The following POFUT3 variants were observed in gnomAD, a reference collection of about 807,000 sequenced individuals.
POFUT3 encodes GDP-fucose protein O-fucosyltransferase 3.
At chr8:33,468,777 G>A in the POFUT3 span, among the ~76,000 whole-genome samples, 7 of 152,190 alleles carry the variant, frequency 4.6e-5, no homozygotes, top group Non-Finnish European at 8.8e-5. Context: ...TGTCCCTAGA[G>A]TGTTGATTGG....
At chr8:33,310,487 A>C in the POFUT3 span, among the ~76,000 whole-genome samples, 1 of 151,970 alleles carries the variant, frequency 6.6e-6, no homozygotes, top group African/African-American at 2.4e-5. Flanking sequence ...AGGCAGGCAA[A>C]TTCCTTGAGG....
chr8:33,313,572 G>A, the POFUT3 span, among the ~76,000 whole-genome samples: 1 of 151,628 alleles, frequency 6.6e-6, no homozygotes, highest in African/African-American at 2.4e-5. Context: ...GGAATAAAAT[G>A]GAACCATCAT....
chr8:33,422,269 G>A, the POFUT3 span, among the ~76,000 whole-genome samples: 1 of 150,946 alleles, frequency 6.6e-6, no homozygotes, highest in Non-Finnish European at 1.5e-5. Flanking sequence ...CAGGCCTGGC[G>A]CGGTGGTTCC....
chr8:33,422,544 T>C, the POFUT3 span, among the ~76,000 whole-genome samples: 1 of 13,642 alleles, frequency 7.3e-5, no homozygotes, highest in African/African-American at 4.3e-4. Context: ...AAACTCTGTC[T>C]CAAAAAAAAA....
the POFUT3 span, among the ~76,000 whole-genome samples, chr8:33,393,795 G>T: frequency 6.6e-6 from 1 of 152,322 alleles, no homozygotes; most frequent in Non-Finnish European, 1.5e-5. Context: ...TACACCCACA[G>T]AAATGTTAGC....
chr8:33,449,089 T>C, the POFUT3 span, among the ~76,000 whole-genome samples: 1 of 152,166 alleles, frequency 6.6e-6, no homozygotes, highest in African/African-American at 2.4e-5. Context: ...GGTCATACAG[T>C]ATAAGACCAA....
chr8:33,429,087 A>G, the POFUT3 span, among the ~76,000 whole-genome samples: 1 of 152,214 alleles, frequency 6.6e-6, no homozygotes, highest in Non-Finnish European at 1.5e-5. Context: ...CTTTACATGA[A>G]TTATACTCAA....
chr8:33,343,871 C>T, the POFUT3 span, among the ~76,000 whole-genome samples: 1 of 152,190 alleles, frequency 6.6e-6, no homozygotes, highest in Non-Finnish European at 1.5e-5. Context: ...TTAAGAAGTA[C>T]ATGTGTTCTC....
chr8:33,383,347 A>T, the POFUT3 span, among the ~76,000 whole-genome samples: 1 of 152,204 alleles, frequency 6.6e-6, no homozygotes, highest in Non-Finnish European at 1.5e-5. Context: ...ACCTGATGGC[A>T]ATAAAAGCCC....
At chr8:33,336,688 A>G in the POFUT3 span, among the ~76,000 whole-genome samples, 2 of 152,192 alleles carry the variant, frequency 1.3e-5, no homozygotes, top group Non-Finnish European at 2.9e-5. Flanking sequence ...GGTCAGCAAA[A>G]AATGGCAGAT....
At chr8:33,347,242 A>G in the POFUT3 span, among the ~76,000 whole-genome samples, 1 of 152,182 alleles carries the variant, frequency 6.6e-6, no homozygotes, top group South Asian at 2.1e-4. Context: ...TGGAAGTGTT[A>G]ATGAAAAAAG....
the POFUT3 span, among the ~76,000 whole-genome samples, chr8:33,470,163 G>A: frequency 2.0e-5 from 3 of 148,130 alleles, no homozygotes; most frequent in Non-Finnish European, 4.4e-5. Context: ...ACTTTGAGAC[G>A]CCGAGGTGGG....
the POFUT3 span, among the ~76,000 whole-genome samples, chr8:33,340,271 T>C: frequency 6.6e-6 from 1 of 151,908 alleles, no homozygotes; most frequent in African/African-American, 2.4e-5. Context: ...TATATGTAAA[T>C]GGAAAATCTT....
the POFUT3 span, among the ~76,000 whole-genome samples, chr8:33,470,029 G>A: frequency 0.012 from 1,778 of 151,500 alleles, 39 homozygotes; most frequent in African/African-American, 0.039. Flanking sequence ...TCCTGACCTC[G>A]TGATCCACCT....
chr8:33,469,360 G>A, the POFUT3 span, among the ~76,000 whole-genome samples: 3 of 152,054 alleles, frequency 2.0e-5, no homozygotes, highest in Admixed American at 6.6e-5. Flanking sequence ...TGTGTACCTC[G>A]CTCATTTTCA....
At chr8:33,400,837 G>A in the POFUT3 span, among the ~76,000 whole-genome samples, 1 of 152,150 alleles carries the variant, frequency 6.6e-6, no homozygotes, top group Non-Finnish European at 1.5e-5. Flanking sequence ...GCTTAAAAGA[G>A]TGCTCTACTA....
the POFUT3 span, among the ~76,000 whole-genome samples, chr8:33,443,993 G>A: frequency 0.084 from 11,975 of 142,882 alleles, 623 homozygotes; most frequent in African/African-American, 0.16. Context: ...TTAAAGAAAA[G>A]CAATGTCTAC....
chr8:33,444,754 G>T, the POFUT3 span, among the ~76,000 whole-genome samples: 1 of 151,994 alleles, frequency 6.6e-6, no homozygotes, highest in Non-Finnish European at 1.5e-5. Flanking sequence ...GGAGGCAGAG[G>T]TTGTAGTGAG....
chr8:33,463,870 AT>A, the POFUT3 span, among the ~76,000 whole-genome samples: 18 of 150,816 alleles, frequency 1.2e-4, no homozygotes, highest in African/African-American at 1.9e-4. Flanking sequence ...AAATCCAGGA[AT>A]TTTTTTTTTC....
Sources: allele counts gnomAD v4.1 joint callset (sites outside exome capture counted in the v4.1 genomes callset), GRCh38; gene constraint gnomAD v4.1.1; transcripts MANE v1.5; gene names NCBI Gene and HGNC (gene_info 2026-07-23, HGNC 2026-07-21).